KLHL1: variants seen among roughly 807,000 people sequenced by gnomAD.
KLHL1 encodes kelch like family member 1.
KLHL1 carries 47 observed loss-of-function variants against 77.7 expected under a neutral mutation model. The ratio of observed to expected loss-of-function variants is 0.60; its 90% confidence interval spans 0.48 to 0.77. The LOEUF (loss-of-function observed/expected upper bound fraction) is 0.77. KLHL1 is among the 30% of genes least tolerant of loss of function. The probability of loss-of-function intolerance (pLI) is 0.00; values close to 1 mark genes in which losing one functional copy is unlikely to be tolerated. For synonymous variants in KLHL1, 360 were observed against 325.2 expected, an observed-to-expected ratio of 1.11 and a Z score of -1.15; for missense variants, 925 against 910.8, an observed-to-expected ratio of 1.02 and a Z score of -0.20.
At chr13:69,981,723 G>A (rs573349330) in intron 1 of KLHL1, among the ~76,000 whole-genome samples, 3 of 150,748 alleles carry the variant, frequency 2.0e-5, no homozygotes, top group African/African-American at 7.3e-5. Flanking sequence ...TTTATATCAG[G>A]CACACATTAT....
chr13:69,773,018 GATGTTTTGTAGACCATTAC>G (rs1875649853), intron 7 of KLHL1, among the ~76,000 whole-genome samples: 1 of 151,914 alleles, frequency 6.6e-6, no homozygotes, highest in Non-Finnish European at 1.5e-5. Flanking sequence ...GAAAGCATTT[GATGTTTTGTAGACCATTAC>G]ACAGGCAGAA....
At chr13:69,937,094 A>G (rs1883210101) in intron 4 of KLHL1, among the ~76,000 whole-genome samples, 1 of 152,164 alleles carries the variant, frequency 6.6e-6, no homozygotes, top group African/African-American at 2.4e-5. Context: ...GTGTCCCCCA[A>G]AAGGCAGAGC....
chr13:69,910,809 G>A (rs1882212363), intron 4 of KLHL1, among the ~76,000 whole-genome samples: 1 of 151,982 alleles, frequency 6.6e-6, no homozygotes, highest in Non-Finnish European at 1.5e-5. Context: ...AACTAATTAA[G>A]GAGGGAACTG....
chr13:69,774,113 T>A, intron 7 of KLHL1, among the ~76,000 whole-genome samples: 1 of 151,926 alleles, frequency 6.6e-6, no homozygotes, highest in Non-Finnish European at 1.5e-5. Flanking sequence ...AAAAGAATAG[T>A]AACACAGCAG....
chr13:69,990,167 C>T (rs1256548902), intron 1 of KLHL1, among the ~76,000 whole-genome samples: 2 of 151,934 alleles, frequency 1.3e-5, no homozygotes, highest in African/African-American at 4.8e-5. Flanking sequence ...TATAAGAGCT[C>T]CTGAAAGCAG....
At chr13:69,742,628 G>A (rs577644902) in intron 7 of KLHL1, among the ~76,000 whole-genome samples, 4 of 152,086 alleles carry the variant, frequency 2.6e-5, no homozygotes, top group Non-Finnish European at 5.9e-5. Flanking sequence ...TTCCCAATAA[G>A]TAAGTATGCT....
intron 1 of KLHL1, among the ~76,000 whole-genome samples, chr13:70,003,565 A>G (rs1489317240): frequency 6.6e-6 from 1 of 151,782 alleles, no homozygotes; most frequent in Non-Finnish European, 1.5e-5. Flanking sequence ...CTTGAAAGCA[A>G]CAAAGGATAT....
At chr13:69,828,227 G>A (rs1216663704) in intron 6 of KLHL1, among the ~76,000 whole-genome samples, 1 of 140,774 alleles carries the variant, frequency 7.1e-6, no homozygotes, top group East Asian at 2.1e-4. Context: ...AATGTGAGAG[G>A]GGAAAGTCAG....
chr13:69,763,487 A>G (rs1282401820), intron 7 of KLHL1, among the ~76,000 whole-genome samples: 6 of 152,202 alleles, frequency 3.9e-5, no homozygotes, highest in Non-Finnish European at 7.3e-5. Context: ...TAATGTTTAC[A>G]TGTATGCATA....
At chr13:69,725,502 T>C (rs371669100) in intron 8 of KLHL1, among the ~76,000 whole-genome samples, 8 of 152,250 alleles carry the variant, frequency 5.3e-5, no homozygotes, top group African/African-American at 1.9e-4. Flanking sequence ...GAAAGTCTTG[T>C]CTTTATTTTA....
At chr13:69,964,491 T>C (rs922186202) in intron 2 of KLHL1, among the ~76,000 whole-genome samples, 6 of 152,154 alleles carry the variant, frequency 3.9e-5, no homozygotes, top group African/African-American at 1.4e-4. Flanking sequence ...ACTCAGCATA[T>C]GTTTTTCTGA....
intron 4 of KLHL1, among the ~76,000 whole-genome samples, chr13:69,938,237 G>A (rs1219967056): frequency 1.3e-5 from 2 of 151,976 alleles, no homozygotes; most frequent in Non-Finnish European, 2.9e-5. Flanking sequence ...TCTCTAAAAT[G>A]GTTACCATAA....
At chr13:69,739,907 G>A (rs1010369437) in intron 8 of KLHL1, among the ~76,000 whole-genome samples, 5 of 152,032 alleles carry the variant, frequency 3.3e-5, no homozygotes, top group Non-Finnish European at 1.5e-5. Context: ...GGTGGGTGAG[G>A]GGCATCTAGT....
At chr13:69,719,297 C>T (rs1872926344) in intron 9 of KLHL1, 72 bp downstream of exon 9, 1 of 1,322,574 alleles carries the variant, frequency 7.6e-7, no homozygotes, top group Non-Finnish European at 1.1e-6. Context: ...GCAATTTTTC[C>T]AATCACTTGA....
intron 3 of KLHL1, among the ~76,000 whole-genome samples, chr13:69,959,975 T>C (rs1304172483): frequency 6.6e-6 from 1 of 152,020 alleles, no homozygotes; most frequent in Non-Finnish European, 1.5e-5. Context: ...GAATAAAGTC[T>C]TCTTTACCTG....
At chr13:70,046,954 G>C (rs908140546) in intron 1 of KLHL1, among the ~76,000 whole-genome samples, 2 of 152,132 alleles carry the variant, frequency 1.3e-5, no homozygotes, top group Non-Finnish European at 2.9e-5. Context: ...TAGGTTACAT[G>C]GACTGCTTTT....
At chr13:69,820,782 A>T (rs1373476794) in intron 6 of KLHL1, among the ~76,000 whole-genome samples, 1 of 152,210 alleles carries the variant, frequency 6.6e-6, no homozygotes, top group Non-Finnish European at 1.5e-5. Flanking sequence ...GTGCTGTGAC[A>T]TTGCAAACTT....
chr13:69,962,764 A>AT (rs1235562486), intron 2 of KLHL1, among the ~76,000 whole-genome samples: 2 of 119,764 alleles, frequency 1.7e-5, no homozygotes, highest in East Asian at 4.8e-4. Context: ...TCCTGATCTG[A>AT]TTTTTAATCA....
intron 7 of KLHL1, among the ~76,000 whole-genome samples, chr13:69,764,666 T>G (rs1431534778): frequency 1.3e-5 from 2 of 152,110 alleles, no homozygotes; most frequent in Non-Finnish European, 2.9e-5. Context: ...TCCTGCTCAA[T>G]GAGTGATCCT....
Sources: gnomAD v4.1 joint callset for allele counts (sites outside exome capture counted in the v4.1 genomes callset) on GRCh38, gnomAD v4.1.1 for gene constraint, MANE v1.5 for transcripts, NCBI Gene and HGNC (gene_info 2026-07-23, HGNC 2026-07-21) for gene names.